The following UGT3A1 variants were observed in gnomAD, a reference collection of about 807,000 sequenced individuals.
The protein encoded by UGT3A1 is UDP glycosyltransferase family 3 member A1, also known as UDP-glycosyltransferase 3A1.
In UGT3A1, 40 loss-of-function variants were observed where a neutral mutation model predicts 37.6. That is an observed-to-expected ratio of 1.06 (90% confidence interval 0.83 to 1.38). UGT3A1 has a LOEUF of 1.38. UGT3A1 is among the 40% of genes most tolerant of loss of function. UGT3A1 has a pLI of 0.00. For missense variants in UGT3A1, 642 were observed against 634.2 expected (o/e 1.01, Z -0.13); for synonymous variants, 256 against 232.3 (o/e 1.10, Z -0.93).
upstream of UGT3A1, among the ~76,000 whole-genome samples, chr5:35,992,914 G>A (rs369621059): frequency 1.8e-4 from 28 of 152,148 alleles, 1 homozygote; most frequent in South Asian, 5.4e-3. Context: ...TCTCCCTTTT[G>A]GTTCCTAAAT....
At chr5:35,991,731 C>A, upstream of UGT3A1, 1 of 760,984 alleles carries the variant, frequency 1.3e-6, no homozygotes, top group Non-Finnish European at 1.6e-6. Flanking sequence ...CAGAAACCTG[C>A]TGAAAATCTC....
At chr5:35,983,539 C>T (rs541531666) in intron 2 of UGT3A1, among the ~76,000 whole-genome samples, 2 of 152,054 alleles carry the variant, frequency 1.3e-5, no homozygotes, top group Admixed American at 6.6e-5. Flanking sequence ...TTTTCAAACT[C>T]ATTCTATAGG....
intron 2 of UGT3A1, among the ~76,000 whole-genome samples, chr5:35,978,140 T>G (rs895465552): frequency 2.6e-5 from 4 of 152,190 alleles, no homozygotes; most frequent in African/African-American, 9.6e-5. Context: ...ATTCAAGAAG[T>G]TCTCCTGCCT....
chr5:35,988,526 G>T lies in UGT3A1; in HGVS notation c.120C>A (p.Asp40Glu), dbSNP rs1265116860. 1 of 1,612,720 alleles carries T rather than the reference G, an allele frequency of 6.2e-7. No homozygotes were observed. The highest frequency in any genetic ancestry group is 8.5e-7 in the Non-Finnish European group (1 of 1,179,432). The change falls in exon 2 of 7, where the codon GAC becomes GAA. Residue 40 changes from aspartate (D) to glutamate (E), a missense_variant. Physicochemically the swap from Asp to Glu is conservative, Grantham distance 45 (BLOSUM62 2). Coordinates refer to ENST00000274278, the MANE Select transcript of UGT3A1 (RefSeq NM_152404.4). ...GCTCTTGAAGAATCTGAGACACCCGGTCCAACAGTAGGTAATGGCTTCCAC... is the reference window on the plus strand; with the variant it reads ...GCTCTTGAAGAATCTGAGACACCCGTTCCAACAGTAGGTAATGGCTTCCAC... ...TLGGSHYLLL[D>E]RVSQILQEHG...
At chr5:35,989,295 G>C (rs1440137903) in intron 1 of UGT3A1, among the ~76,000 whole-genome samples, 1 of 152,196 alleles carries the variant, frequency 6.6e-6, no homozygotes, top group Non-Finnish European at 1.5e-5. Context: ...GGAAAGAGAA[G>C]CTTGGTTCTC....
intron 4 of UGT3A1, chr5:35,961,754 C>T (rs1317542078): frequency 1.3e-5 from 2 of 152,270 alleles, no homozygotes; most frequent in East Asian, 3.9e-4. Flanking sequence ...GGTCCCAGGG[C>T]CCATTTCTGC....
At chr5:35,991,933 A>G (rs1037822678), upstream of UGT3A1, among the ~76,000 whole-genome samples, 7 of 152,370 alleles carry the variant, frequency 4.6e-5, no homozygotes, top group Admixed American at 2.0e-4. Flanking sequence ...CTGAATGTGT[A>G]TCATAAAATA....
intron 4 of UGT3A1, chr5:35,962,044 A>G (rs1739607848): frequency 6.6e-6 from 1 of 152,104 alleles, no homozygotes. Flanking sequence ...CATCCCATCC[A>G]GGGTCATTTA....
intron 2 of UGT3A1, among the ~76,000 whole-genome samples, chr5:35,987,935 G>A (rs897177766): frequency 3.3e-5 from 5 of 152,138 alleles, no homozygotes; most frequent in Non-Finnish European, 1.5e-5. Context: ...ACATCATTAT[G>A]TACAACTTAT....
intron 2 of UGT3A1, among the ~76,000 whole-genome samples, chr5:35,980,688 AG>A (rs1217521396): frequency 1.3e-5 from 2 of 152,224 alleles, no homozygotes; most frequent in East Asian, 3.8e-4. Flanking sequence ...AGCTGGAAAA[AG>A]TATGCCATTT....
At chr5:35,960,798 G>C (rs1739551401) in intron 4 of UGT3A1, 1 of 152,206 alleles carries the variant, frequency 6.6e-6, no homozygotes. Flanking sequence ...GGGATGGGAT[G>C]CATGGGGAGC....
intron 2 of UGT3A1, among the ~76,000 whole-genome samples, chr5:35,974,458 A>G (rs907872904): frequency 6.6e-6 from 1 of 152,214 alleles, no homozygotes; most frequent in African/African-American, 2.4e-5. Context: ...AAACCAAAGC[A>G]ATATTGCACT....
chr5:35,991,643 T>C, upstream of UGT3A1: 7 of 1,003,296 alleles, frequency 7.0e-6, no homozygotes, highest in Non-Finnish European at 8.3e-6. Context: ...CGTGGAGCTG[T>C]CTGAACTTAT....
In UGT3A1 at chr5:35,961,917, G is replaced by A. The variant is rs185636495; in HGVS notation, c.843+3469C>T. On this transcript the variant is annotated intron_variant, in intron 4 of 6. Transcript: ENST00000274278. ...CAGTGGGATTTTCATTAAATCCCTG[G>A]TCTATCATAGATAGCTTGCTATAAT... 2.6e-5 allele frequency: 4 copies of A among 152,230 alleles called. No homozygotes were observed. The East Asian group carries it at 7.7e-4, about 29-fold the overall frequency. The allele number at this position is 152,230 out of a possible 1,614,324, so 9.4% of individuals were successfully genotyped here.
In UGT3A1 at chr5:35,986,215, C is replaced by G. The variant is rs376339791; in HGVS notation, c.196+2235G>C. On this transcript the variant is annotated intron_variant, in intron 2 of 6. Coordinates refer to ENST00000274278, the MANE Select transcript of UGT3A1 (RefSeq NM_152404.4). ...TGACACGAAAGTCAAGAAAGGGGAA[C>G]CCTCATACACTGTAAATTAGTACAG... Among the ~76,000 whole-genome samples the G allele has an allele frequency of 2.0e-5, 3 of 152,070 alleles. No individual in the cohort carries two copies. In the South Asian group the frequency reaches 6.2e-4, roughly 32 times the overall value.
rs560111252 is a variant in UGT3A1 at position 35,986,374 on chromosome 5, A to C, written c.196+2076T>G. Among the ~76,000 whole-genome samples the C allele has an allele frequency of 2.0e-5, 3 of 152,260 alleles. No homozygotes were observed. The South Asian group carries it at 6.2e-4, about 32-fold the overall frequency. On this transcript the variant is annotated intron_variant, in intron 2 of 6. Coordinates refer to ENST00000274278, the MANE Select transcript of UGT3A1 (RefSeq NM_152404.4). The stretch of plus-strand genomic sequence containing the variant: ...ATATCGAAGAGATAGCTTCATTCCC[A>C]TGTTTATTGCAGCACTGTTTACAAT...
upstream of UGT3A1, chr5:35,991,419 C>T: frequency 1.4e-6 from 2 of 1,449,724 alleles, no homozygotes; most frequent in Middle Eastern, 2.1e-4. Flanking sequence ...TGCCCCTCCT[C>T]CCTGGGTGCA....
chr5:35,967,666 G>A (rs1301425860), intron 3 of UGT3A1, among the ~76,000 whole-genome samples: 2 of 152,312 alleles, frequency 1.3e-5, no homozygotes, highest in East Asian at 3.9e-4. Flanking sequence ...TGGGGAGAAT[G>A]CATACAGAGA....
At chr5:35,972,335 A>G (rs893649669) in intron 2 of UGT3A1, among the ~76,000 whole-genome samples, 1 of 152,072 alleles carries the variant, frequency 6.6e-6, no homozygotes, top group Non-Finnish European at 1.5e-5. Context: ...TTTTAAAAAC[A>G]AACAAACAAA....
Sources: gnomAD v4.1 joint callset for allele counts (sites outside exome capture counted in the v4.1 genomes callset) on GRCh38, gnomAD v4.1.1 for gene constraint, MANE v1.5 for transcripts, NCBI Gene and HGNC (gene_info 2026-07-23, HGNC 2026-07-21) for gene names.